Variants in NINJ2 observed in about 807,000 individuals in gnomAD.
NINJ2 encodes ninjurin 2.
NINJ2 carries 12 observed loss-of-function variants against 11.7 expected under a neutral mutation model. The observed-to-expected ratio is 1.02, with a 90% confidence interval of 0.66 to 1.66. The LOEUF is 1.66. NINJ2 is among the 40% of genes most tolerant of loss of function. NINJ2 has a pLI of 0.00. For missense variants in NINJ2, 187 were observed against 181.8 expected (o/e 1.03, Z -0.16); for synonymous variants, 93 against 76.8 (o/e 1.21, Z -1.10).
At chr12:601,291 A>C (rs558428957) in intron 1 of NINJ2, among the ~76,000 whole-genome samples, 3 of 152,400 alleles carry the variant, frequency 2.0e-5, no homozygotes, top group Admixed American at 6.5e-5. Context: ...TCACGCCTGT[A>C]ATCCCAGCAC....
chr12:647,497 C>T (rs1035687728), intron 1 of NINJ2, among the ~76,000 whole-genome samples: 1 of 152,130 alleles, frequency 6.6e-6, no homozygotes, highest in Non-Finnish European at 1.5e-5. Context: ...AGGCTTAGAA[C>T]CTTTGTCTTC....
In NINJ2 at chr12:565,990, C is replaced by A; in HGVS notation, c.222G>T (p.Leu74=). Reference sequence around the variant, plus strand: ...GGACACCGATGACCACCTGCAGGAGCAGAGAGAGGCTGATGAGGGTGACCA... The same window carrying A: ...GGACACCGATGACCACCTGCAGGAGAAGAGAGAGGCTGATGAGGGTGACCA... The part of the protein sequence containing the change: ...TTLVTLISLS[L]LLQVVIGVLL... The change falls in exon 2 of 4, where the codon CTG becomes CTT. Residue 74 remains leucine (L), a synonymous_variant. Coordinates refer to ENST00000305108, the MANE Select transcript of NINJ2 (RefSeq NM_016533.6). The A allele has an allele frequency of 2.5e-6, 4 of 1,614,202 alleles. No homozygotes were observed. The highest frequency in any genetic ancestry group is 3.4e-6 in the Non-Finnish European group (4 of 1,180,032).
chr12:639,589 G>A (rs1413295764), intron 1 of NINJ2, among the ~76,000 whole-genome samples: 1 of 152,200 alleles, frequency 6.6e-6, no homozygotes, highest in Non-Finnish European at 1.5e-5. Flanking sequence ...CTAACCTATG[G>A]CTCCGTTTAT....
intron 1 of NINJ2, among the ~76,000 whole-genome samples, chr12:587,157 T>C (rs372709589): frequency 2.6e-5 from 4 of 152,308 alleles, no homozygotes; most frequent in South Asian, 4.1e-4. Flanking sequence ...CAGGGTTCAA[T>C]AGTATTGGAC....
intron 1 of NINJ2, among the ~76,000 whole-genome samples, chr12:634,979 G>A (rs938261790): frequency 3.9e-5 from 6 of 151,928 alleles, no homozygotes; most frequent in Non-Finnish European, 7.4e-5. Context: ...CTTGGTCTCA[G>A]GCTAATCCTT....
intron 1 of NINJ2, among the ~76,000 whole-genome samples, chr12:577,190 T>C (rs1187765087): frequency 1.3e-5 from 2 of 151,950 alleles, no homozygotes; most frequent in African/African-American, 4.8e-5. Flanking sequence ...TTCAATAAAT[T>C]ACACAAGATA....
At chr12:575,273 G>T (rs934722044) in intron 1 of NINJ2, among the ~76,000 whole-genome samples, 3 of 152,102 alleles carry the variant, frequency 2.0e-5, no homozygotes, top group African/African-American at 4.8e-5. Context: ...CTCTCCTGGG[G>T]CCCCCACCCA....
At chr12:655,574 A>G (rs116481553) in intron 1 of NINJ2, among the ~76,000 whole-genome samples, 151 of 152,346 alleles carry the variant, frequency 9.9e-4, no homozygotes, top group African/African-American at 3.5e-3. Flanking sequence ...TACAATATCT[A>G]TTATGAGGAA....
chr12:647,558 C>A (rs1937706975), intron 1 of NINJ2, among the ~76,000 whole-genome samples: 1 of 152,158 alleles, frequency 6.6e-6, no homozygotes, highest in African/African-American at 2.4e-5. Flanking sequence ...CCAACCTGGG[C>A]CCCTTGATCT....
At chr12:609,478 A>G (rs1039104448) in intron 1 of NINJ2, among the ~76,000 whole-genome samples, 4 of 152,182 alleles carry the variant, frequency 2.6e-5, no homozygotes, top group Admixed American at 6.5e-5. Flanking sequence ...ATTTAAAACA[A>G]TAGGGGAAAC....
chr12:614,779 G>A lies in NINJ2; in HGVS notation c.33+48549C>T, dbSNP rs142292245. 6.6e-6 allele frequency among the ~76,000 whole-genome samples: 1 copy of A among 152,258 alleles called. No homozygotes were observed. Among genetic ancestry groups the A allele is most frequent in the African/African-American group, 2.4e-5 (1 of 41,548 alleles). ...GCTGTGTTTGCACCCAGAGCTGAGT[G>A]TCTGTCTAGCTCAGGTTCCCAGAGG... On this transcript the variant is annotated intron_variant, in intron 1 of 3. Transcript: ENST00000305108. This position sits in a 1 kb window ranked among gnomAD's most constrained non-coding sequence, Gnocchi z 5.1.
At position 624,577 on chromosome 12, in the gene NINJ2, G is replaced by A. The variant is rs1228522674; in HGVS notation, c.33+38751C>T. Among the ~76,000 whole-genome samples the A allele has an allele frequency of 2.0e-5, 3 of 152,148 alleles. No homozygotes were observed. In the East Asian group the frequency reaches 5.8e-4, roughly 29 times the overall value. ...TAATCCCAGCACTTTGGGAAGCAGA[G>A]GAGGTAGATGACCTGAGGTCAGCAG... is the stretch of plus-strand genomic sequence containing the variant. On this transcript the variant is annotated intron_variant, in intron 1 of 3. Transcript: ENST00000305108.
intron 1 of NINJ2, among the ~76,000 whole-genome samples, chr12:627,948 A>G (rs1948228292): frequency 6.6e-6 from 1 of 152,146 alleles, no homozygotes; most frequent in Admixed American, 6.5e-5. Flanking sequence ...AAGAAAAAAA[A>G]AGTCTCAATC....
chr12:605,395 T>C (rs1216665403), intron 1 of NINJ2, among the ~76,000 whole-genome samples: 2 of 152,140 alleles, frequency 1.3e-5, no homozygotes, highest in African/African-American at 4.8e-5. Flanking sequence ...ATGATTCCTA[T>C]CGGAAAAGAC....
At chr12:634,329 G>A (rs925768045) in intron 1 of NINJ2, among the ~76,000 whole-genome samples, 2 of 128,832 alleles carry the variant, frequency 1.6e-5, no homozygotes, top group South Asian at 2.5e-4. Flanking sequence ...GCACGATCTC[G>A]GCTCACTGCA....
intron 1 of NINJ2, among the ~76,000 whole-genome samples, chr12:621,831 A>AAG (rs1555165635): frequency 1.8e-4 from 27 of 150,674 alleles, no homozygotes; most frequent in Non-Finnish European, 3.1e-4. Context: ...AAAAAAAAAA[A>AAG]AGAGAGAGAA....
chr12:632,536 T>G (rs553870279), intron 1 of NINJ2: 1 of 152,474 alleles, frequency 6.6e-6, no homozygotes, highest in East Asian at 1.9e-4. Flanking sequence ...CTCTCTTTCT[T>G]GTGACCCCAA....
intron 1 of NINJ2, among the ~76,000 whole-genome samples, chr12:635,972 G>C (rs1948347457): frequency 6.6e-6 from 1 of 152,216 alleles, no homozygotes; most frequent in Non-Finnish European, 1.5e-5. Flanking sequence ...AGCTACTCAG[G>C]AGGCTGAGGC....
At chr12:615,913 A>C (rs1336122774) in intron 1 of NINJ2, among the ~76,000 whole-genome samples, 1 of 152,204 alleles carries the variant, frequency 6.6e-6, no homozygotes, top group Admixed American at 6.5e-5. Context: ...GTCTGAGAGG[A>C]AAGGGCTGAA....
Sources: gnomAD v4.1 joint callset for allele counts (sites outside exome capture counted in the v4.1 genomes callset) on GRCh38, gnomAD v4.1.1 for gene constraint, Gnocchi (gnomAD v3.1) non-coding constraint, MANE v1.5 for transcripts, NCBI Gene and HGNC (gene_info 2026-07-23, HGNC 2026-07-21) for gene names.